ZNF638: variants seen among roughly 807,000 people sequenced by gnomAD.
ZNF638 encodes zinc finger protein 638, also known as CTCL tumor antigen se33-1.
ZNF638 carries 46 observed loss-of-function variants against 195.6 expected under a neutral mutation model. The ratio of observed to expected loss-of-function variants is 0.24; its 90% CI spans 0.19 to 0.30. The LOEUF (loss-of-function observed/expected upper bound fraction) is 0.30. Among genes scored for constraint, ZNF638 ranks in the 10% least tolerant of loss-of-function variants. The probability of loss-of-function intolerance (pLI) is 1.00; values close to 1 mark genes in which losing one functional copy is unlikely to be tolerated. For missense variants in ZNF638, 2,440 were observed against 2,325.3 expected (o/e 1.05, Z -1.01); for synonymous variants, 845 against 772.0 (o/e 1.09, Z -1.57).
Position 71,380,502 on chromosome 2 carries a change from CT to C in ZNF638, c.2325-7del. On this transcript the variant is annotated splice_polypyrimidine_tract_variant and intron_variant, in intron 9 of 27. Transcript: ENST00000264447. ...CTAAGTTGCTGCTAAATTTTTTCTC[CT>C]TTTAAATAGAAGAGATGCAGATGCT... The C allele has an allele frequency of 1.3e-6, 2 of 1,587,814 alleles. No individual in the cohort carries two copies. The highest frequency in any genetic ancestry group is 1.4e-5 in the African/African-American group (1 of 73,536).
At chr2:71,340,433 A>G (rs2078744495) in intron 1 of ZNF638, among the ~76,000 whole-genome samples, 1 of 152,238 alleles carries the variant, frequency 6.6e-6, no homozygotes. Flanking sequence ...AGGAAAGCAC[A>G]GAATGACATG....
intron 21 of ZNF638, among the ~76,000 whole-genome samples, chr2:71,419,898 T>G (rs187691264): frequency 6.6e-6 from 1 of 151,098 alleles, no homozygotes; most frequent in Non-Finnish European, 1.5e-5. Flanking sequence ...TTAAATAATT[T>G]ATAGATGTAT....
In ZNF638 at chr2:71,431,356, G is replaced by A; in HGVS notation, c.5680G>A (p.Glu1894Lys). 6.2e-7 allele frequency: 1 copy of A among 1,613,958 alleles called. No individual in the cohort carries two copies. The highest frequency in any genetic ancestry group is 8.5e-7 in the Non-Finnish European group (1 of 1,179,846). Residue 1894 changes from glutamate (E) to lysine (K), a missense_variant, in exon 26 of 28, where the codon GAA (glutamate) becomes AAA (lysine). By Grantham distance (56) the Glu-to-Lys change is moderately conservative. Coordinates refer to ENST00000264447, the MANE Select transcript of ZNF638 (RefSeq NM_014497.5). Reference sequence around the variant, plus strand: ...TGAGGAATCTGGATTAAAGGATTCAGAACCAGAGCGAAAACGCAAGAAGAC... The same window carrying A: ...TGAGGAATCTGGATTAAAGGATTCAAAACCAGAGCGAAAACGCAAGAAGAC... Reference protein sequence around the residue: ...VDEESGLKDSEPERKRKKTED... With the variant: ...VDEESGLKDSKPERKRKKTED...
intron 3 of ZNF638, 93 bp downstream of exon 3, chr2:71,355,873 T>G: frequency 1.7e-6 from 1 of 596,476 alleles, no homozygotes; most frequent in South Asian, 4.0e-5. Context: ...TATAATACTT[T>G]GGAGAAAAAT....
intron 3 of ZNF638, among the ~76,000 whole-genome samples, chr2:71,360,360 A>G (rs2079088230): frequency 1.3e-5 from 2 of 152,330 alleles, no homozygotes; most frequent in South Asian, 2.1e-4. Flanking sequence ...CTGCATAACC[A>G]CAATACAACA....
intron 10 of ZNF638, among the ~76,000 whole-genome samples, chr2:71,386,541 A>C (rs981183043): frequency 6.6e-6 from 1 of 152,176 alleles, no homozygotes; most frequent in South Asian, 2.1e-4. Flanking sequence ...AATGTAATTC[A>C]AGAGGCATGG....
intron 1 of ZNF638, among the ~76,000 whole-genome samples, chr2:71,343,358 G>A (rs1015508735): frequency 1.3e-5 from 2 of 152,080 alleles, no homozygotes; most frequent in Non-Finnish European, 2.9e-5. Context: ...AACAAAAAGG[G>A]GAAAAAGAAG....
At chr2:71,366,481 T>C (rs1464051505) in intron 6 of ZNF638, among the ~76,000 whole-genome samples, 1 of 152,190 alleles carries the variant, frequency 6.6e-6, no homozygotes, top group Non-Finnish European at 1.5e-5. Context: ...TTCTTGTGAG[T>C]ATAATAAAAG....
Position 71,364,185 on chromosome 2 carries a change from A to G in ZNF638, c.1650A>G (p.Arg550=). The G allele has an allele frequency of 6.2e-7, 1 of 1,614,224 alleles. No individual in the cohort carries two copies. The highest frequency in any genetic ancestry group is 8.5e-7 in the Non-Finnish European group (1 of 1,180,038). Residue 550 remains arginine, a synonymous_variant, in exon 5 of 28, where the codon AGA becomes AGG. Coordinates refer to ENST00000264447, the MANE Select transcript of ZNF638 (RefSeq NM_014497.5). ...RSPYRIRNPF[R]GSPKCFRSVS... Reference sequence around the variant, plus strand: ...CATATCGAATTAGAAATCCATTTAGAGGTAGTCCAAAATGCTTTCGATCAG... The same window carrying G: ...CATATCGAATTAGAAATCCATTTAGGGGTAGTCCAAAATGCTTTCGATCAG...
In ZNF638 at chr2:71,423,642, T is replaced by C; in HGVS notation, c.4128T>C (p.Thr1376=). 1.2e-6 allele frequency: 2 copies of C among 1,613,760 alleles called. No individual in the cohort carries two copies. Among genetic ancestry groups the C allele is most frequent in the Non-Finnish European group, 1.7e-6 (2 of 1,179,986 alleles). ...GVGQANKPDE[T]SKTSILAVSD... is the part of the protein sequence containing the mutation. ...GTCAGGCTAATAAGCCTGATGAAACTAGTAAAACTAGTATTCTGGCTGTAT... is the reference window on the plus strand; with the variant it reads ...GTCAGGCTAATAAGCCTGATGAAACCAGTAAAACTAGTATTCTGGCTGTAT... The change falls in exon 22 of 28, where the codon ACT becomes ACC. Residue 1376 remains threonine, a synonymous_variant. Transcript: ENST00000264447.
At chr2:71,427,488 T>G (rs1011736123) in intron 24 of ZNF638, 74 bp downstream of exon 24, 1 of 1,139,828 alleles carries the variant, frequency 8.8e-7, no homozygotes, top group Admixed American at 3.0e-5. Flanking sequence ...AAATACATGT[T>G]GTGGCATTAC....
At chr2:71,334,912 C>T (rs1442303720) in intron 1 of ZNF638, among the ~76,000 whole-genome samples, 2 of 150,494 alleles carry the variant, frequency 1.3e-5, no homozygotes, top group Non-Finnish European at 2.9e-5. Flanking sequence ...CAGAGCTAGA[C>T]TCCGTCTCCA....
chr2:71,432,393 G>C (rs1353362039), intron 26 of ZNF638, among the ~76,000 whole-genome samples: 1 of 152,132 alleles, frequency 6.6e-6, no homozygotes, highest in African/African-American at 2.4e-5. Context: ...TAGATACAGG[G>C]TTTCACCTTG....
At chr2:71,427,472 A>G in intron 24 of ZNF638, 58 bp downstream of exon 24, 2 of 1,281,750 alleles carry the variant, frequency 1.6e-6, no homozygotes, top group Non-Finnish European at 2.1e-6. Flanking sequence ...TTTAAAATTA[A>G]TTTTAAAATA....
At chr2:71,339,068 A>G (rs1276689810) in intron 1 of ZNF638, among the ~76,000 whole-genome samples, 1 of 151,910 alleles carries the variant, frequency 6.6e-6, no homozygotes, top group African/African-American at 2.4e-5. Flanking sequence ...TTTGTTTAAC[A>G]CAAAAGATGG....
At chr2:71,389,941 C>G (rs2079736681) in intron 10 of ZNF638, among the ~76,000 whole-genome samples, 1 of 152,142 alleles carries the variant, frequency 6.6e-6, no homozygotes, top group Non-Finnish European at 1.5e-5. Flanking sequence ...CTGGTGGGGA[C>G]TGAAACACAC....
intron 1 of ZNF638, chr2:71,332,724 G>C (rs1188902937): frequency 6.6e-6 from 1 of 152,154 alleles, no homozygotes; most frequent in South Asian, 2.1e-4. Flanking sequence ...TGTTGTTTGA[G>C]GTAATTGTTA....
In ZNF638 at chr2:71,399,626, C is replaced by T. The variant is rs1486496313; in HGVS notation, c.2568C>T (p.Asn856=). ...KTGNVKNKDS[N]KPVTIPENSE... is the part of the protein sequence containing the mutation. Reference sequence around the variant, plus strand: ...GGAATGTCAAAAACAAAGACTCTAACAAACCTGTGACTATACCAGGTAAGC... The same window carrying T: ...GGAATGTCAAAAACAAAGACTCTAATAAACCTGTGACTATACCAGGTAAGC... Residue 856 remains asparagine (N), a synonymous_variant, in exon 13 of 28, where the codon AAC becomes AAT. Coordinates refer to ENST00000264447, the MANE Select transcript of ZNF638 (RefSeq NM_014497.5). The T allele has an allele frequency of 6.2e-7, 1 of 1,612,172 alleles. No individual in the cohort carries two copies. The highest frequency in any genetic ancestry group is 8.5e-7 in the Non-Finnish European group (1 of 1,179,000).
In ZNF638 at chr2:71,370,011, C is replaced by G. The variant is rs376171629; in HGVS notation, c.2265+6C>G. 6.3e-7 allele frequency: 1 copy of G among 1,587,898 alleles called. No homozygotes were observed. Among genetic ancestry groups the G allele is most frequent in the Middle Eastern group, 1.7e-4 (1 of 6,020 alleles). The stretch of plus-strand genomic sequence containing the variant: ...CAGGAAAGAAAAAAGCACAGGTAAT[C>G]TGGATTTAGGTCTTAAATGTTTTAT... On this transcript the variant is annotated splice_donor_region_variant and intron_variant, in intron 8 of 27. Coordinates refer to ENST00000264447, the MANE Select transcript of ZNF638 (RefSeq NM_014497.5).
Sources: allele counts gnomAD v4.1 joint callset (sites outside exome capture counted in the v4.1 genomes callset), GRCh38; gene constraint gnomAD v4.1.1; transcripts MANE v1.5; gene names NCBI Gene and HGNC (gene_info 2026-07-23, HGNC 2026-07-21).